The following ARMC6 variants were observed in gnomAD, a reference collection of about 807,000 sequenced individuals.
ARMC6 encodes armadillo repeat containing 6.
A neutral mutation model predicts 49.2 loss-of-function variants in ARMC6; 43 were observed. The observed-to-expected ratio is 0.87, with a 90% CI of 0.69 to 1.13. The LOEUF (loss-of-function observed/expected upper bound fraction) is 1.13. Ranked by LOEUF, ARMC6 falls within the 50% of genes most tolerant of loss-of-function variation. The pLI is 0.00. For missense variants in ARMC6, 627 were observed against 682.0 expected, an observed-to-expected ratio of 0.92 and a Z score of 0.90; for synonymous variants, 262 against 289.6, an observed-to-expected ratio of 0.90 and a Z score of 0.97.
chr19:19,034,061 C>T, intron 1 of ARMC6, 70 bp from the exon 2 acceptor site: 1 of 628,096 alleles, frequency 1.6e-6, no homozygotes, highest in Non-Finnish European at 2.8e-6. Flanking sequence ...TTACAGAAGC[C>T]GCCTGGGGAC....
rs1014277718 is a variant in ARMC6, at chr19:19,055,190, C to T, written c.1024-75C>T. The T allele has an allele frequency of 6.7e-6, 10 of 1,500,282 alleles. No homozygotes were observed. The highest frequency in any genetic ancestry group is 2.2e-5 in the Admixed American group (1 of 44,544). The allele number at this position is 1,500,282 out of a possible 1,614,324, so 92.9% of individuals were successfully genotyped here. A position where few individuals can be genotyped will look rare whatever the true frequency, so the allele number is the denominator to read the frequency against. ...CCTGTTGGTCAAACAGCAAAACAGC[C>T]CCACATTCTCCCTCAGAGCCCTCTC... On this transcript the variant is annotated intron_variant, in intron 6 of 8. Coordinates refer to ENST00000535612, the MANE Select transcript of ARMC6 (RefSeq NM_001199196.2). This position sits in a 1 kb window ranked among gnomAD's most constrained non-coding sequence, Gnocchi z 5.7.
chr19:19,056,845 G>T (rs751944110), intron 8 of ARMC6, among the ~76,000 whole-genome samples: 29 of 152,172 alleles, frequency 1.9e-4, no homozygotes, highest in Non-Finnish European at 1.5e-5. Flanking sequence ...CTTACTCTGG[G>T]ACACTGACCC....
rs1213435899 is a variant in ARMC6, at chr19:19,042,739, A to T, written c.58A>T (p.Thr20Ser). 2 of 1,613,740 alleles carry T rather than the reference A, an allele frequency of 1.2e-6. No homozygotes were observed. The highest frequency in any genetic ancestry group is 4.5e-5 in the East Asian group (2 of 44,888). The change falls in exon 3 of 9, where the codon ACA (threonine) becomes TCA (serine). Residue 20 changes from threonine to serine, a missense_variant. Coordinates refer to ENST00000535612, the MANE Select transcript of ARMC6 (RefSeq NM_001199196.2). ...SSGASIGCTP[T>S]STQAKMVSKR... ...AGGAGCATCTATCGGCTGCACGCCAACATCAACACAGGCGAAGATGGTCTC... is the reference window on the plus strand; with the variant it reads ...AGGAGCATCTATCGGCTGCACGCCATCATCAACACAGGCGAAGATGGTCTC...
chr19:19,055,329 C>T lies in ARMC6; in HGVS notation c.1088C>T (p.Ala363Val). ...AIAGNDDVKD[A>V]IVRAGGTESI... ...GCAGGCAACGACGACGTGAAAGATGCTATTGTCCGTGCTGGTGGGACGGAG... is the reference window on the plus strand; with the variant it reads ...GCAGGCAACGACGACGTGAAAGATGTTATTGTCCGTGCTGGTGGGACGGAG... The change falls in exon 7 of 9, where the codon GCT (alanine) becomes GTT (valine). Residue 363 changes from alanine (A) to valine (V), a missense_variant. By Grantham distance (64) the Ala-to-Val change is moderately conservative. Coordinates refer to ENST00000535612, the MANE Select transcript of ARMC6 (RefSeq NM_001199196.2). This position sits in a 1 kb window ranked among gnomAD's most constrained non-coding sequence, Gnocchi z 5.7. 6.2e-7 allele frequency: 1 copy of T among 1,613,420 alleles called. No homozygotes were observed. The highest frequency in any genetic ancestry group is 8.5e-7 in the Non-Finnish European group (1 of 1,179,648).
In ARMC6 at chr19:19,057,989, G is replaced by A. The variant is rs1009255840; in HGVS notation, c.*361G>A. 1.4e-5 allele frequency: 5 copies of A among 369,020 alleles called. No homozygotes were observed. The highest frequency in any genetic ancestry group is 2.6e-5 in the Non-Finnish European group (5 of 192,920). 22.9% of individuals were successfully genotyped at this position (369,020 alleles called of 1,614,324 possible). A position where few individuals can be genotyped will look rare whatever the true frequency, so the allele number is the denominator to read the frequency against. On this transcript the variant is annotated 3_prime_UTR_variant, in exon 9 of 9. Transcript: ENST00000535612. ...GGGCCAGGCTCAGGGCAGGGCAGGC[G>A]ATTCCAGTGGGGTTGGGCCCCCTGG...
chr19:19,047,985 C>T (rs1219554342), intron 4 of ARMC6, among the ~76,000 whole-genome samples: 1 of 151,854 alleles, frequency 6.6e-6, no homozygotes, highest in Non-Finnish European at 1.5e-5. Context: ...CTGAGGTGGT[C>T]GGATTGCATC....
intron 4 of ARMC6, among the ~76,000 whole-genome samples, chr19:19,047,514 G>A (rs112476705): frequency 2.0e-5 from 3 of 152,286 alleles, no homozygotes; most frequent in African/African-American, 7.2e-5. Context: ...ATTTATATGT[G>A]GGAAGTTGTA....
At chr19:19,047,420 G>A (rs1050772674) in intron 4 of ARMC6, among the ~76,000 whole-genome samples, 3 of 152,162 alleles carry the variant, frequency 2.0e-5, no homozygotes, top group African/African-American at 4.8e-5. Context: ...TGTGTCATAA[G>A]ATTTGTTGCA....
At chr19:19,051,375 CTGTGTGTGTGTGTGTGTGTGTG>C (rs35164662) in intron 4 of ARMC6, among the ~76,000 whole-genome samples, 5 of 139,762 alleles carry the variant, frequency 3.6e-5, no homozygotes, top group Middle Eastern at 3.5e-3. Context: ...CTCTCTCTCT[CTGTGTGTGTGTGTGTGTGTGTG>C]TGTGTGTGTG....
intron 4 of ARMC6, among the ~76,000 whole-genome samples, chr19:19,044,722 A>G (rs1040620929): frequency 6.6e-6 from 1 of 152,196 alleles, no homozygotes; most frequent in Non-Finnish European, 1.5e-5. Flanking sequence ...TCACTGTCCA[A>G]ACAACACCTG....
intron 5 of ARMC6, among the ~76,000 whole-genome samples, chr19:19,052,476 G>C (rs1337183183): frequency 6.6e-6 from 1 of 152,202 alleles, no homozygotes; most frequent in South Asian, 2.1e-4. Flanking sequence ...AACTCCAGGG[G>C]CTGAGAGTGG....
chr19:19,051,359 A>ATC (rs373829349), intron 4 of ARMC6, among the ~76,000 whole-genome samples: 100 of 132,396 alleles, frequency 7.6e-4, no homozygotes, highest in Middle Eastern at 3.7e-3. Context: ...AGTTGTCTGG[A>ATC]TCTCTCTCTC....
At chr19:19,056,976 G>C (rs1406039439) in intron 8 of ARMC6, among the ~76,000 whole-genome samples, 1 of 152,236 alleles carries the variant, frequency 6.6e-6, no homozygotes, top group Non-Finnish European at 1.5e-5. Flanking sequence ...CTTCCAGGCA[G>C]TGCCCCGCGC....
chr19:19,054,354 C>T, intron 6 of ARMC6, 33 bp downstream of exon 6: 1 of 1,464,300 alleles, frequency 6.8e-7, no homozygotes, highest in Admixed American at 2.3e-5. Flanking sequence ...TGCGTGCTGT[C>T]CTTCTGGGTC....
chr19:19,052,744 G>A (rs1013610968), intron 5 of ARMC6, among the ~76,000 whole-genome samples: 1 of 152,162 alleles, frequency 6.6e-6, no homozygotes, highest in African/African-American at 2.4e-5. Context: ...AGTCCTGATT[G>A]ACACACAGAA....
In ARMC6 at chr19:19,044,028, A is replaced by G. The variant is rs754031294; in HGVS notation, c.233A>G (p.Lys78Arg). Residue 78 changes from lysine (K) to arginine (R), a missense_variant, in exon 4 of 9, where the codon AAA becomes AGA. Lys to Arg is a conservative substitution (Grantham distance 26). Transcript: ENST00000535612. ...DLSNIVKTAP[K>R]VSADGSQEPT... ...AGCAACATTGTAAAGACGGCACCTAAAGTCTCTGCAGACGGATCCCAGGAG... is the reference window on the plus strand; with the variant it reads ...AGCAACATTGTAAAGACGGCACCTAGAGTCTCTGCAGACGGATCCCAGGAG... 6.2e-7 allele frequency: 1 copy of G among 1,613,994 alleles called. No individual in the cohort carries two copies. The highest frequency in any genetic ancestry group is 1.3e-5 in the African/African-American group (1 of 74,910).
chr19:19,043,385 G>A (rs560332319), intron 3 of ARMC6, among the ~76,000 whole-genome samples: 2 of 152,164 alleles, frequency 1.3e-5, no homozygotes, highest in Non-Finnish European at 2.9e-5. Flanking sequence ...CACATGATGG[G>A]TGCTGGGCCC....
chr19:19,047,533 G>A (rs996723310), intron 4 of ARMC6, among the ~76,000 whole-genome samples: 1 of 152,172 alleles, frequency 6.6e-6, no homozygotes, highest in Non-Finnish European at 1.5e-5. Context: ...TAGAATGAAA[G>A]GCATTAGTCA....
intron 3 of ARMC6, 103 bp from the exon 4 acceptor site, chr19:19,043,889 C>A: frequency 1.9e-6 from 2 of 1,052,926 alleles, no homozygotes; most frequent in Non-Finnish European, 2.9e-6. Flanking sequence ...GTGGGGTGGT[C>A]CCAGCAGAAG....
Sources: allele counts gnomAD v4.1 joint callset (sites outside exome capture counted in the v4.1 genomes callset), GRCh38; gene constraint gnomAD v4.1.1; non-coding constraint Gnocchi (gnomAD v3.1); transcripts MANE v1.5; gene names NCBI Gene and HGNC (gene_info 2026-07-23, HGNC 2026-07-21).